HERC2: variants seen among roughly 807,000 people sequenced by gnomAD.
The protein encoded by HERC2 is HECT and RLD domain containing E3 ubiquitin protein ligase 2.
Under a neutral mutation model 537.7 loss-of-function variants are expected in HERC2, and 102 were observed. The ratio of observed to expected loss-of-function variants is 0.19; its 90% CI spans 0.16 to 0.22. The LOEUF is 0.22. Ranked by LOEUF, HERC2 falls within the 10% of genes least tolerant of loss-of-function variation. The pLI is 1.00. For missense variants in HERC2, 4,236 were observed against 6,198.2 expected, an observed-to-expected ratio of 0.68 and a Z score of 10.63; for synonymous variants, 2,224 against 2,466.2, an observed-to-expected ratio of 0.90 and a Z score of 2.91.
intron 55 of HERC2, chr15:28,190,321 C>CA (rs1740397453): frequency 6.6e-6 from 1 of 151,708 alleles, no homozygotes; most frequent in African/African-American, 2.4e-5. Flanking sequence ...GCCCGGCCAA[C>CA]AAAAGTATCT....
chr15:28,320,903 A>G (rs1409298120), intron 2 of HERC2, among the ~76,000 whole-genome samples: 1 of 152,050 alleles, frequency 6.6e-6, no homozygotes, highest in Non-Finnish European at 1.5e-5. Context: ...AAACAGCTCA[A>G]CTGAACTAAC....
At chr15:28,246,666 G>T in intron 22 of HERC2, 76 bp downstream of exon 22, 1 of 1,277,770 alleles carries the variant, frequency 7.8e-7, no homozygotes, top group Non-Finnish European at 1.1e-6. Flanking sequence ...CAGGCATGCT[G>T]ATCAGCAAAG....
At chr15:28,120,939 A>G (rs1888814950) in intron 86 of HERC2, among the ~76,000 whole-genome samples, 1 of 152,206 alleles carries the variant, frequency 6.6e-6, no homozygotes, top group African/African-American at 2.4e-5. Context: ...AAGCAGCCCC[A>G]CAGGACCCTA....
Position 28,320,721 on chromosome 15 carries a change from G to T in HERC2, c.72+641C>A, listed in dbSNP as rs1419710089. On this transcript the variant is annotated intron_variant, in intron 2 of 92. Transcript: ENST00000261609. ...ATTTCCAAATAAAAGTAGATTGGGT[G>T]TAAATAATTGTCTATCGAAATATTA... Among the ~76,000 whole-genome samples, 6 of 151,494 alleles carry T rather than the reference G, an allele frequency of 4.0e-5. No individual in the cohort carries two copies. The South Asian group carries it at 8.3e-4, about 21-fold the overall frequency.
At chr15:28,128,312 G>A (rs1469712219) in intron 83 of HERC2, among the ~76,000 whole-genome samples, 1 of 152,160 alleles carries the variant, frequency 6.6e-6, no homozygotes, top group African/African-American at 2.4e-5. Flanking sequence ...CTGGCAGGAC[G>A]AGCCTCCCTG....
chr15:28,280,369 C>T (rs568751894), intron 4 of HERC2, 82 bp from the exon 5 acceptor site: 582 of 1,147,092 alleles, frequency 5.1e-4, no homozygotes, highest in Non-Finnish European at 6.9e-4. Flanking sequence ...TGGATGATGA[C>T]GACAGGTAGT....
At chr15:28,266,040 A>C in intron 12 of HERC2, 66 bp from the exon 13 acceptor site, 8 of 1,551,274 alleles carry the variant, frequency 5.2e-6, no homozygotes, top group Non-Finnish European at 7.0e-6. Flanking sequence ...TAATGTTAAC[A>C]AAGGAAATTC....
At chr15:28,223,227 G>A (rs187052735) in intron 35 of HERC2, among the ~76,000 whole-genome samples, 1 of 152,176 alleles carries the variant, frequency 6.6e-6, no homozygotes, top group African/African-American at 2.4e-5. Context: ...CTAACCCCAG[G>A]AGAGTAGGCT....
chr15:28,236,556 G>C (rs544004777), intron 26 of HERC2, among the ~76,000 whole-genome samples: 3 of 151,706 alleles, frequency 2.0e-5, no homozygotes, highest in Admixed American at 1.3e-4. Context: ...CTCCCAAAGT[G>C]CTGGGATTAC....
At chr15:28,129,153 C>T (rs1007660945) in intron 83 of HERC2, among the ~76,000 whole-genome samples, 2 of 152,186 alleles carry the variant, frequency 1.3e-5, no homozygotes, top group East Asian at 3.9e-4. Flanking sequence ...GACCGCCCCA[C>T]GCTCCTGATT....
intron 3 of HERC2, among the ~76,000 whole-genome samples, chr15:28,297,721 C>T (rs1273291015): frequency 2.0e-5 from 3 of 152,018 alleles, no homozygotes; most frequent in East Asian, 3.9e-4. Flanking sequence ...GGGCAGGACA[C>T]CAGAGAACTT....
intron 53 of HERC2, 48 bp from the exon 54 acceptor site, chr15:28,191,292 ATATTT>A (rs1896832903): frequency 2.5e-6 from 3 of 1,209,760 alleles, no homozygotes; most frequent in Non-Finnish European, 3.7e-6. Flanking sequence ...AAATTCAGCT[ATATTT>A]TAGCTACTAC....
At position 28,176,458 on chromosome 15, in the gene HERC2, G is replaced by A. The variant is rs746006263; in HGVS notation, c.9656C>T (p.Ala3219Val). 4.3e-6 allele frequency: 7 copies of A among 1,613,908 alleles called. No individual in the cohort carries two copies. In the Admixed American group the frequency reaches 5.0e-5, roughly 12 times the overall value. The change falls in exon 63 of 93, where the codon GCG becomes GTG. Residue 3219 changes from alanine to valine, a missense_variant. Transcript: ENST00000261609. The surrounding 1 kb of genome is among the most constrained non-coding windows in gnomAD (Gnocchi z 5.0). ...CCACACCACTCCAGACTTGGTGAGC[G>A]CCAGGGAGAACTGAGCTCCACACTC... ...QIECGAQFSL[A>V]LTKSGVVWTW...
intron 23 of HERC2, among the ~76,000 whole-genome samples, chr15:28,245,557 AAAAAT>A (rs1306307517): frequency 4.8e-5 from 6 of 125,256 alleles, no homozygotes; most frequent in African/African-American, 1.6e-4. Flanking sequence ...AAAAAAAAAA[AAAAAT>A]ATATACACAC....
At chr15:28,214,595 C>T (rs1278036977) in intron 40 of HERC2, 60 bp downstream of exon 40, 57 of 1,589,512 alleles carry the variant, frequency 3.6e-5, no homozygotes, top group Non-Finnish European at 4.6e-5. Context: ...GGCCACCCAC[C>T]TGAGTGACGG....
In HERC2 at chr15:28,182,522, C is replaced by CG. The variant is rs778725036; in HGVS notation, c.8826-11dup. ...CTTCTTTCTAATGAGGCTAACCAAA[C>CG]GGAAAAAAAAAAGAAAAAGAAAAGA... On this transcript the variant is annotated splice_polypyrimidine_tract_variant and intron_variant, in intron 56 of 92. Transcript: ENST00000261609. The CG allele has an allele frequency of 1.0e-5, 16 of 1,545,050 alleles. No homozygotes were observed. Among genetic ancestry groups the CG allele is most frequent in the Middle Eastern group, 3.5e-4 (2 of 5,670 alleles).
intron 2 of HERC2, among the ~76,000 whole-genome samples, chr15:28,311,073 T>A (rs2076929875): frequency 7.8e-5 from 2 of 25,646 alleles, no homozygotes; most frequent in East Asian, 1.7e-3. Flanking sequence ...TGGGACTGCA[T>A]CTCAAAAAAA....
chr15:28,144,530 G>A (rs140798342), intron 72 of HERC2, 143 bp downstream of exon 72: 17,838 of 1,139,896 alleles, frequency 0.016, 219 homozygotes, highest in Non-Finnish European at 0.019. Context: ...CCACGCCTCA[G>A]CAGGGCCTGT....
At chr15:28,173,677 C>A (rs1894915590) in intron 65 of HERC2, among the ~76,000 whole-genome samples, 3 of 151,798 alleles carry the variant, frequency 2.0e-5, no homozygotes, top group Middle Eastern at 3.2e-3. Context: ...GTGACATGTG[C>A]CTGTAGTCCC....
Sources: allele counts gnomAD v4.1 joint callset (sites outside exome capture counted in the v4.1 genomes callset), GRCh38; gene constraint gnomAD v4.1.1; non-coding constraint Gnocchi (gnomAD v3.1); transcripts MANE v1.5; gene names NCBI Gene and HGNC (gene_info 2026-07-23, HGNC 2026-07-21).